The following F5 variants were observed in gnomAD, a reference collection of about 807,000 sequenced individuals.
F5 encodes activated protein c cofactor.
Under a neutral mutation model 216.4 loss-of-function variants are expected in F5, and 138 were observed. The observed-to-expected ratio is 0.64, with a 90% confidence interval of 0.56 to 0.73. The LOEUF (loss-of-function observed/expected upper bound fraction) is 0.73. Among genes scored for constraint, F5 ranks in the 30% least tolerant of loss-of-function variants. The pLI, the probability that F5 is intolerant of heterozygous loss-of-function variation, is 0.00. For missense variants in F5, 2,403 were observed against 2,674.0 expected, an observed-to-expected ratio of 0.90 and a Z score of 2.24; for synonymous variants, 916 against 930.7, an observed-to-expected ratio of 0.98 and a Z score of 0.29.
In F5 at chr1:169,560,642, T is replaced by C. The variant is rs113249658; in HGVS notation, c.498A>G (p.Pro166=). 1 of 1,613,634 alleles carries C rather than the reference T, an allele frequency of 6.2e-7. No homozygotes were observed. The highest frequency in any genetic ancestry group is 1.3e-5 in the African/African-American group (1 of 74,864). The change falls in exon 4 of 25, where the codon CCA becomes CCG. Residue 166 remains proline, a synonymous_variant. Transcript: ENST00000367797. ...EDSGPTHDDP[P]CLTHIYYSHE... ...GGGAGTAATAGATGTGTGTGAGGCATGGAGGGTCATCATGGGTGGGTCCAC... is the reference window on the plus strand; with the variant it reads ...GGGAGTAATAGATGTGTGTGAGGCACGGAGGGTCATCATGGGTGGGTCCAC...
intron 21 of F5, among the ~76,000 whole-genome samples, chr1:169,521,615 ATTTTT>A (rs35651599): frequency 1.4e-4 from 15 of 106,266 alleles, no homozygotes; most frequent in Non-Finnish European, 1.6e-4. Context: ...CTGTGAAAAG[ATTTTT>A]TTTTTTTTTT....
intron 21 of F5, among the ~76,000 whole-genome samples, chr1:169,521,235 T>G (rs1394556619): frequency 6.6e-6 from 1 of 152,044 alleles, no homozygotes; most frequent in Non-Finnish European, 1.5e-5. Flanking sequence ...AGCCTAGACT[T>G]CTATGCTCCT....
chr1:169,525,819 A>C, intron 18 of F5, 82 bp downstream of exon 18: 1 of 995,054 alleles, frequency 1.0e-6, no homozygotes, highest in Non-Finnish European at 1.6e-6. Flanking sequence ...TTAGAGTTGA[A>C]TATTTCCAAT....
rs950470839 is a variant in F5, at chr1:169,512,640, C to T, written c.*1673G>A. On this transcript the variant is annotated 3_prime_UTR_variant, in exon 25 of 25. Coordinates refer to ENST00000367797, the MANE Select transcript of F5 (RefSeq NM_000130.5). The stretch of plus-strand genomic sequence containing the variant: ...TTCCAACATTCTCTTTTGCTCTTAA[C>T]GGAATGGAAATCTTAGAAATGTTGA... Among the ~76,000 whole-genome samples the T allele has an allele frequency of 6.6e-6, 1 of 151,866 alleles. No homozygotes were observed. Among genetic ancestry groups the T allele is most frequent in the African/African-American group, 2.4e-5 (1 of 41,342 alleles).
intron 16 of F5, 93 bp from the exon 17 acceptor site, chr1:169,528,187 T>C (rs1659504140): frequency 2.0e-6 from 3 of 1,482,036 alleles, no homozygotes; most frequent in East Asian, 4.6e-5. Context: ...TCAACACCCA[T>C]GTTCCTCATG....
At chr1:169,531,122 G>A in intron 14 of F5, 100 bp from the exon 15 acceptor site, 1 of 863,892 alleles carries the variant, frequency 1.2e-6, no homozygotes, top group Non-Finnish European at 1.9e-6. Flanking sequence ...TATAAAATCG[G>A]AGCTAAGATA....
Position 169,541,315 on chromosome 1 carries a change from A to G in F5, c.3775T>C (p.Ser1259Pro). 6.4e-7 allele frequency: 1 copy of G among 1,573,840 alleles called. No individual in the cohort carries two copies. The highest frequency in any genetic ancestry group is 8.7e-7 in the Non-Finnish European group (1 of 1,155,022). The change falls in exon 13 of 25, where the codon TCT becomes CCT. Residue 1259 changes from serine to proline, a missense_variant. Around this residue, in one of 4 missense-constraint regions of F5, gnomAD observed 1,425 missense variants for 1,554.8 expected, o/e 0.92. Transcript: ENST00000367797. ...AGGTTTGTCTGACTGAGTTCTGGAG[A>G]GAGGTTTGTCTGGCTGAGGTCTAAA... ...LSLDLSQTNL[S>P]PELSQTNLSP...
At chr1:169,555,141 T>C in intron 7 of F5, 41 bp downstream of exon 7, 1 of 1,612,132 alleles carries the variant, frequency 6.2e-7, no homozygotes, top group Non-Finnish European at 8.5e-7. Flanking sequence ...ATGGAATGTG[T>C]CTTGAACCTT....
chr1:169,537,974 G>C (rs1330386783), intron 13 of F5, among the ~76,000 whole-genome samples: 1 of 151,958 alleles, frequency 6.6e-6, no homozygotes, highest in Non-Finnish European at 1.5e-5. Flanking sequence ...TCCCACTTTT[G>C]GGTATATACC....
intron 3 of F5, 89 bp downstream of exon 3, chr1:169,572,132 C>A (rs13306325): frequency 3.7e-6 from 5 of 1,342,446 alleles, no homozygotes; most frequent in Non-Finnish European, 5.2e-6. Flanking sequence ...CCTAACAACA[C>A]GTGGTTAACA....
In F5 at chr1:169,555,355, A is replaced by C. The variant is rs755637909; in HGVS notation, c.953-8T>G. The C allele has an allele frequency of 1.2e-6, 2 of 1,613,938 alleles. No individual in the cohort carries two copies. The highest frequency in any genetic ancestry group is 1.7e-6 in the Non-Finnish European group (2 of 1,179,880). ...TGTAAGCCTGCATCCCAGCTGAGTT[A>C]GGACAGAAAGACAATGAAATAACTC... On this transcript the variant is annotated splice_polypyrimidine_tract_variant and splice_region_variant and intron_variant, in intron 6 of 24. Coordinates refer to ENST00000367797, the MANE Select transcript of F5 (RefSeq NM_000130.5).
chr1:169,559,156 G>T lies in F5; in HGVS notation c.727C>A (p.Pro243Thr), dbSNP rs368524944. 1.2e-6 allele frequency: 2 copies of T among 1,613,562 alleles called. No homozygotes were observed. The highest frequency in any genetic ancestry group is 1.7e-6 in the Non-Finnish European group (2 of 1,179,762). ...TGGTACACAGCCCTCGTGTTACCTG[G>T]CATTGTCCCATTCACATATCCATTG... The part of the protein sequence containing the change: ...TVNGYVNGTM[P>T]DITVCAHDHI... Residue 243 changes from proline (P) to threonine (T), a missense_variant, in exon 5 of 25, where the codon CCA (proline) becomes ACA (threonine). By Grantham distance (38) the Pro-to-Thr change is conservative. Around this residue, in one of 4 missense-constraint regions of F5, gnomAD observed 1,425 missense variants for 1,554.8 expected, o/e 0.92. Transcript: ENST00000367797.
At chr1:169,566,290 A>C (rs1660599702) in intron 3 of F5, among the ~76,000 whole-genome samples, 1 of 152,120 alleles carries the variant, frequency 6.6e-6, no homozygotes, top group African/African-American at 2.4e-5. Flanking sequence ...GGGTTTCTAT[A>C]GTAGAAAATG....
chr1:169,532,465 G>C (rs1185865234), intron 14 of F5, among the ~76,000 whole-genome samples: 2 of 152,110 alleles, frequency 1.3e-5, no homozygotes, highest in Non-Finnish European at 2.9e-5. Flanking sequence ...CCATGAAAAG[G>C]CTCCAGGAAC....
intron 9 of F5, 97 bp downstream of exon 9, chr1:169,550,543 T>C: frequency 1.2e-6 from 1 of 865,386 alleles, no homozygotes; most frequent in Non-Finnish European, 2.0e-6. Flanking sequence ...ACTACCTGAC[T>C]GCAGTAGTGA....
At chr1:169,578,298 T>C (rs12742168) in intron 2 of F5, among the ~76,000 whole-genome samples, 135 of 152,316 alleles carry the variant, frequency 8.9e-4, no homozygotes, top group Non-Finnish European at 1.5e-3. Context: ...GCAAAGGCCT[T>C]ACACATAAAT....
At chr1:169,566,820 A>AAT (rs1303102385) in intron 3 of F5, among the ~76,000 whole-genome samples, 10 of 152,072 alleles carry the variant, frequency 6.6e-5, no homozygotes, top group Admixed American at 6.6e-4. Context: ...AGCCTGTGGG[A>AAT]ATACATGTTC....
intron 13 of F5, among the ~76,000 whole-genome samples, chr1:169,538,183 A>C (rs995439601): frequency 1.3e-5 from 2 of 152,194 alleles, no homozygotes; most frequent in Admixed American, 6.5e-5. Context: ...CATTTGTGAC[A>C]ACATGACTGA....
At chr1:169,555,118 C>T (rs1335747336) in intron 7 of F5, 64 bp downstream of exon 7, 28 of 1,585,670 alleles carry the variant, frequency 1.8e-5, no homozygotes, top group Non-Finnish European at 2.3e-5. Flanking sequence ...TCACCCCAAA[C>T]ATCTAGGACC....
Sources: allele counts gnomAD v4.1 joint callset (sites outside exome capture counted in the v4.1 genomes callset), GRCh38; gene constraint gnomAD v4.1.1; regional missense constraint gnomAD v4.1.1; transcripts MANE v1.5; gene names NCBI Gene and HGNC (gene_info 2026-07-23, HGNC 2026-07-21).